C16orf78: variants seen among roughly 807,000 people sequenced by gnomAD.
The protein encoded by C16orf78 is chromosome 16 open reading frame 78.
C16orf78 carries 19 observed loss-of-function variants against 27.3 expected under a neutral mutation model. The ratio of observed to expected loss-of-function variants is 0.70; its 90% CI spans 0.49 to 1.02. The LOEUF (loss-of-function observed/expected upper bound fraction) is 1.02. Ranked by LOEUF, C16orf78 falls within the 50% of genes least tolerant of loss-of-function variation. The pLI is 0.00. For synonymous variants in C16orf78, 130 were observed against 116.1 expected, an observed-to-expected ratio of 1.12 and a Z score of -0.77; for missense variants, 339 against 337.0, an observed-to-expected ratio of 1.01 and a Z score of -0.05.
chr16:49,383,344 G>C (rs1243190872), intron 3 of C16orf78, among the ~76,000 whole-genome samples: 3 of 152,192 alleles, frequency 2.0e-5, no homozygotes, highest in Non-Finnish European at 4.4e-5. Context: ...CACCTATGAA[G>C]GGCCTAAAGA....
intron 3 of C16orf78, among the ~76,000 whole-genome samples, chr16:49,386,045 A>T (rs1364499834): frequency 1.3e-5 from 2 of 152,220 alleles, no homozygotes; most frequent in Non-Finnish European, 2.9e-5. Context: ...GCAAATGGTA[A>T]CCTAAGGAGA....
chr16:49,396,750 T>C, intron 4 of C16orf78, 72 bp downstream of exon 4: 2 of 1,534,624 alleles, frequency 1.3e-6, no homozygotes, highest in Non-Finnish European at 1.7e-6. Flanking sequence ...TGTCCCTGGC[T>C]CAAACACCTT....
chr16:49,384,814 T>C (rs1965328176), intron 3 of C16orf78, among the ~76,000 whole-genome samples: 1 of 152,198 alleles, frequency 6.6e-6, no homozygotes, highest in African/African-American at 2.4e-5. Context: ...CTACTTGTCA[T>C]ATACAAGGAA....
chr16:49,385,586 C>T (rs1241294525), intron 3 of C16orf78, among the ~76,000 whole-genome samples: 2 of 148,878 alleles, frequency 1.3e-5, no homozygotes, highest in African/African-American at 5.0e-5. Flanking sequence ...ACCTGGGAGG[C>T]AGAGGTTGCA....
chr16:49,388,519 T>C (rs1965375909), intron 3 of C16orf78, among the ~76,000 whole-genome samples: 1 of 152,066 alleles, frequency 6.6e-6, no homozygotes, highest in African/African-American at 2.4e-5. Flanking sequence ...TCGTATGGGG[T>C]TTTTCTTCCT....
chr16:49,375,894 T>C (rs1235141005), intron 1 of C16orf78, among the ~76,000 whole-genome samples: 1 of 152,258 alleles, frequency 6.6e-6, no homozygotes, highest in Non-Finnish European at 1.5e-5. Context: ...TGTTCAGGTC[T>C]ATCTCCTTTT....
chr16:49,390,283 G>A (rs1965396701), intron 3 of C16orf78, among the ~76,000 whole-genome samples: 1 of 152,132 alleles, frequency 6.6e-6, no homozygotes, highest in Non-Finnish European at 1.5e-5. Flanking sequence ...CATCAAATTT[G>A]ACAAATTTTT....
In C16orf78 at chr16:49,376,000, A is replaced by G. The variant is rs112057885; in HGVS notation, c.151-1731A>G. 1.7e-3 allele frequency among the ~76,000 whole-genome samples: 261 copies of G among 152,376 alleles called. 1 individual carries two copies. The highest frequency in any genetic ancestry group is 6.8e-3 in the Middle Eastern group (2 of 294). ...TTGGACCTAGAGAGGGAGCAAGTTTACATGGGAAATATAATTAAGTCTTCA... is the reference window on the plus strand; with the variant it reads ...TTGGACCTAGAGAGGGAGCAAGTTTGCATGGGAAATATAATTAAGTCTTCA... On this transcript the variant is annotated intron_variant, in intron 1 of 4. Coordinates refer to ENST00000299191, the MANE Select transcript of C16orf78 (RefSeq NM_144602.4).
intron 3 of C16orf78, among the ~76,000 whole-genome samples, chr16:49,380,725 G>A (rs1596921606): frequency 6.6e-6 from 1 of 152,150 alleles, no homozygotes; most frequent in East Asian, 1.9e-4. Flanking sequence ...TGTCCTGAAT[G>A]GTAATGCCTA....
chr16:49,377,192 G>T lies in C16orf78; in HGVS notation c.151-539G>T, dbSNP rs529790854. Among the ~76,000 whole-genome samples the T allele has an allele frequency of 8.5e-5, 13 of 152,340 alleles. No homozygotes were observed. In the East Asian group the frequency reaches 2.1e-3, roughly 25 times the overall value. On this transcript the variant is annotated intron_variant, in intron 1 of 4. Transcript: ENST00000299191. ...GGTGTGCTCAGCTCTTGGGCAGGTG[G>T]TAAGGAATACCTGGGGAAATAGAAA...
chr16:49,389,403 G>A (rs1221553502), intron 3 of C16orf78, among the ~76,000 whole-genome samples: 2 of 150,058 alleles, frequency 1.3e-5, no homozygotes, highest in Non-Finnish European at 2.9e-5. Flanking sequence ...TCCAGCCTGG[G>A]CAACAGAGCA....
At chr16:49,381,461 A>G (rs1051668494) in intron 3 of C16orf78, among the ~76,000 whole-genome samples, 3 of 152,194 alleles carry the variant, frequency 2.0e-5, no homozygotes, top group African/African-American at 7.2e-5. Context: ...AGAAACTACC[A>G]TCAGAGTGAA....
intron 3 of C16orf78, among the ~76,000 whole-genome samples, chr16:49,382,515 G>A (rs1174426271): frequency 2.0e-5 from 3 of 152,098 alleles, no homozygotes; most frequent in Non-Finnish European, 4.4e-5. Flanking sequence ...AGACTCCCTT[G>A]TTCTTCAAAG....
At chr16:49,378,336 G>T (rs538050788) in intron 2 of C16orf78, 134 bp from the exon 3 acceptor site, 1 of 1,323,414 alleles carries the variant, frequency 7.6e-7, no homozygotes, top group East Asian at 2.5e-5. Context: ...CCCAGGGCCC[G>T]GGGAAGCTCT....
chr16:49,390,202 C>T (rs140834162), intron 3 of C16orf78, among the ~76,000 whole-genome samples: 1 of 152,112 alleles, frequency 6.6e-6, no homozygotes. Context: ...TATGATGTGC[C>T]TCAGTGTCAT....
intron 3 of C16orf78, among the ~76,000 whole-genome samples, chr16:49,380,060 C>T (rs1965268772): frequency 6.6e-6 from 1 of 152,318 alleles, no homozygotes; most frequent in South Asian, 2.1e-4. Flanking sequence ...GCTTCCTGCC[C>T]TTGAACATCA....
chr16:49,389,193 T>G (rs976177624), intron 3 of C16orf78, among the ~76,000 whole-genome samples: 1 of 151,848 alleles, frequency 6.6e-6, no homozygotes, highest in South Asian at 2.1e-4. Context: ...GAGACGGAGG[T>G]GGGTGGATCA....
At chr16:49,391,594 C>T (rs1965413478) in intron 3 of C16orf78, among the ~76,000 whole-genome samples, 1 of 152,202 alleles carries the variant, frequency 6.6e-6, no homozygotes, top group Non-Finnish European at 1.5e-5. Context: ...TACCTAATCC[C>T]TCTGATCCTC....
At position 49,387,729 on chromosome 16, in the gene C16orf78, T is replaced by A. The variant is rs924227117; in HGVS notation, c.395-8694T>A. Reference sequence around the variant, plus strand: ...TGGTAGGTTAATTACTGATTCAATTTTGGAGCTCATTATTAGTCTGTTCAG... The same window carrying A: ...TGGTAGGTTAATTACTGATTCAATTATGGAGCTCATTATTAGTCTGTTCAG... On this transcript the variant is annotated intron_variant, in intron 3 of 4. Transcript: ENST00000299191. Among the ~76,000 whole-genome samples the A allele has an allele frequency of 3.9e-5, 6 of 152,328 alleles. No homozygotes were observed. In the East Asian group the frequency reaches 1.2e-3, roughly 29 times the overall value.
Sources: allele counts gnomAD v4.1 joint callset (sites outside exome capture counted in the v4.1 genomes callset), GRCh38; gene constraint gnomAD v4.1.1; transcripts MANE v1.5; gene names NCBI Gene and HGNC (gene_info 2026-07-23, HGNC 2026-07-21).